The following VPS13D variants were observed in gnomAD, a reference collection of about 807,000 sequenced individuals.
The protein encoded by VPS13D is intermembrane lipid transfer protein VPS13D.
A neutral mutation model predicts 461.9 loss-of-function variants in VPS13D; 187 were observed. That is an observed-to-expected ratio of 0.40 (90% CI 0.36 to 0.46). The LOEUF (loss-of-function observed/expected upper bound fraction) is 0.46, where lower values mean the gene tolerates loss of function less well. Among genes scored for constraint, VPS13D ranks in the 20% least tolerant of loss-of-function variants. The pLI, the probability that VPS13D is intolerant of heterozygous loss-of-function variation, is 0.60. For missense variants in VPS13D, 4,711 were observed against 5,364.9 expected (o/e 0.88, Z 3.81); for synonymous variants, 1,951 against 1,986.3 (o/e 0.98, Z 0.47).
chr1:12,349,528 G>T (rs1643750628), intron 46 of VPS13D, among the ~76,000 whole-genome samples, 154 bp downstream of exon 46: 2 of 151,910 alleles, frequency 1.3e-5, no homozygotes, highest in South Asian at 2.1e-4. Context: ...TAGAGTTCAT[G>T]AGAACTCAAG....
At chr1:12,471,249 C>T (rs1051508770) in intron 67 of VPS13D, among the ~76,000 whole-genome samples, 1 of 152,004 alleles carries the variant, frequency 6.6e-6, no homozygotes, top group Non-Finnish European at 1.5e-5. Flanking sequence ...TGCAGTGAGC[C>T]GAAATCATGC....
intron 12 of VPS13D, 58 bp from the exon 13 acceptor site, chr1:12,261,843 T>C: frequency 1.4e-6 from 2 of 1,438,266 alleles, no homozygotes; most frequent in Non-Finnish European, 1.9e-6. Flanking sequence ...GTCTGCTTGC[T>C]GGTGCTTTTT....
At chr1:12,478,180 T>A (rs1466368368) in intron 67 of VPS13D, among the ~76,000 whole-genome samples, 1 of 152,254 alleles carries the variant, frequency 6.6e-6, no homozygotes, top group African/African-American at 2.4e-5. Context: ...ACTTCAGTCA[T>A]GAGCAAACAG....
At chr1:12,250,619 G>A (rs1640704209) in intron 6 of VPS13D, among the ~76,000 whole-genome samples, 1 of 152,172 alleles carries the variant, frequency 6.6e-6, no homozygotes, top group Non-Finnish European at 1.5e-5. Context: ...TATATGGCAG[G>A]CACTGTTCTT....
chr1:12,271,157 T>C (rs747883067), intron 17 of VPS13D, 33 bp downstream of exon 17: 9 of 1,612,914 alleles, frequency 5.6e-6, no homozygotes, highest in Non-Finnish European at 6.8e-6. Context: ...TCTTTGGGGA[T>C]TGGGGAAGGG....
intron 55 of VPS13D, among the ~76,000 whole-genome samples, chr1:12,375,268 A>G (rs1644182559): frequency 6.6e-6 from 1 of 152,200 alleles, no homozygotes; most frequent in Non-Finnish European, 1.5e-5. Flanking sequence ...AGATTCATGA[A>G]TTAGGTGCAG....
At position 12,325,917 on chromosome 1, in the gene VPS13D, A is replaced by G. The variant is rs1394473822; in HGVS notation, c.7991-1731A>G. Among the ~76,000 whole-genome samples the G allele has an allele frequency of 1.1e-4, 16 of 149,908 alleles. No individual in the cohort carries two copies. The East Asian group carries it at 1.4e-3, about 13-fold the overall frequency. On this transcript the variant is annotated intron_variant, in intron 35 of 69. Transcript: ENST00000620676. Reference sequence around the variant, plus strand: ...AAGTATATCCTTGGTAGAGTGATCTATATTTTAAATACCAGACCAAAGGGT... The same window carrying G: ...AAGTATATCCTTGGTAGAGTGATCTGTATTTTAAATACCAGACCAAAGGGT...
rs994412374 is a variant in VPS13D at position 12,252,787 on chromosome 1, A to C, written c.565-935A>C. Among the ~76,000 whole-genome samples the C allele has an allele frequency of 2.2e-4, 33 of 150,866 alleles. 1 individual carries two copies. Among genetic ancestry groups the C allele is most frequent in the South Asian group, 2.1e-4 (1 of 4,796 alleles). Reference sequence around the variant, plus strand: ...ATTCTGTCTCCAAAAAAAAAAAAAAACAAGAGAAGAAAATATTCCCCCTCC... The same window carrying C: ...ATTCTGTCTCCAAAAAAAAAAAAAACCAAGAGAAGAAAATATTCCCCCTCC... On this transcript the variant is annotated intron_variant, in intron 6 of 69. Coordinates refer to ENST00000620676, the MANE Select transcript of VPS13D (RefSeq NM_015378.4).
intron 63 of VPS13D, among the ~76,000 whole-genome samples, chr1:12,408,016 A>G (rs1477469333): frequency 6.6e-6 from 1 of 152,162 alleles, no homozygotes; most frequent in Non-Finnish European, 1.5e-5. Context: ...TGTTTATTTT[A>G]TGACTCTAAG....
At chr1:12,479,436 GA>G (rs1645683256) in intron 67 of VPS13D, among the ~76,000 whole-genome samples, 3 of 152,246 alleles carry the variant, frequency 2.0e-5, no homozygotes, top group African/African-American at 7.2e-5. Flanking sequence ...TGCTCGGGAT[GA>G]CAGTGCTGCA....
intron 15 of VPS13D, 45 bp downstream of exon 15, chr1:12,267,965 A>G (rs781657933): frequency 6.5e-7 from 1 of 1,530,864 alleles, no homozygotes. Flanking sequence ...AAATTTTTTA[A>G]ATTAATTTTT....
At chr1:12,342,382 C>T (rs775446472) in intron 41 of VPS13D, among the ~76,000 whole-genome samples, 8 of 152,192 alleles carry the variant, frequency 5.3e-5, no homozygotes, top group Non-Finnish European at 8.8e-5. Flanking sequence ...CTAAGCCAGG[C>T]GAGAACCTTT....
intron 42 of VPS13D, among the ~76,000 whole-genome samples, chr1:12,343,670 C>T (rs1278128737): frequency 6.6e-6 from 1 of 152,210 alleles, no homozygotes; most frequent in African/African-American, 2.4e-5. Context: ...CCACTGCACC[C>T]AGCCTCCTTT....
chr1:12,499,562 A>G (rs1646007210), intron 68 of VPS13D: 1 of 985,318 alleles, frequency 1.0e-6, no homozygotes, highest in South Asian at 4.7e-5. Flanking sequence ...GAGAGCTAAA[A>G]ACTGGAATCG....
chr1:12,411,405 G>A (rs1644726297), intron 63 of VPS13D, among the ~76,000 whole-genome samples: 2 of 151,930 alleles, frequency 1.3e-5, no homozygotes, highest in Admixed American at 1.3e-4. Context: ...GGCCTAGGTG[G>A]GAGGATCACT....
chr1:12,274,280 T>G (rs1477994855), intron 18 of VPS13D, among the ~76,000 whole-genome samples: 1 of 152,240 alleles, frequency 6.6e-6, no homozygotes, highest in Non-Finnish European at 1.5e-5. Context: ...CCTCAGGTGA[T>G]CCGCCCACCT....
At chr1:12,363,910 G>A (rs150650962) in intron 52 of VPS13D, among the ~76,000 whole-genome samples, 2,706 of 118,618 alleles carry the variant, frequency 0.023, 103 homozygotes, top group Admixed American at 0.15. Context: ...CTCAGATCAC[G>A]CCACTGCACT....
In VPS13D at chr1:12,497,631, T is replaced by A; in HGVS notation, c.12794T>A (p.Phe4265Tyr). ...FKLTDNIQDEFFIAVENIDSY... is the reference protein window; with the variant it reads ...FKLTDNIQDEYFIAVENIDSY... ...CTCACAGACAACATACAGGACGAAT[T>A]GTAAGTTAGAGCATGGGAAACCAGC... Residue 4265 changes from phenylalanine to tyrosine, a missense_variant and splice_region_variant, in exon 68 of 70, where the codon TTC (phenylalanine) becomes TAC (tyrosine). Coordinates refer to ENST00000620676, the MANE Select transcript of VPS13D (RefSeq NM_015378.4). 5 of 1,611,960 alleles carry A rather than the reference T, an allele frequency of 3.1e-6. No individual in the cohort carries two copies. Among genetic ancestry groups the A allele is most frequent in the Non-Finnish European group, 4.2e-6 (5 of 1,179,362 alleles).
chr1:12,446,898 C>T (rs1436223933), intron 65 of VPS13D, among the ~76,000 whole-genome samples: 1 of 152,088 alleles, frequency 6.6e-6, no homozygotes, highest in Non-Finnish European at 1.5e-5. Context: ...TGATGTGATC[C>T]ACATAACGGA....
Sources: allele counts gnomAD v4.1 joint callset (sites outside exome capture counted in the v4.1 genomes callset), GRCh38; gene constraint gnomAD v4.1.1; transcripts MANE v1.5; gene names NCBI Gene and HGNC (gene_info 2026-07-23, HGNC 2026-07-21).